Variants in VIL1 observed in about 807,000 individuals in gnomAD.
The protein encoded by VIL1 is villin-1.
VIL1 carries 86 observed loss-of-function variants against 104.0 expected under a neutral mutation model. That is an observed-to-expected ratio of 0.83 (90% CI 0.69 to 0.99). VIL1 has a LOEUF of 0.99. Ranked by LOEUF, VIL1 falls within the 50% of genes least tolerant of loss-of-function variation. The pLI is 0.00. For missense variants in VIL1, 944 were observed against 1,054.1 expected (o/e 0.90, Z 1.45); for synonymous variants, 394 against 412.6 (o/e 0.95, Z 0.55).
intron 15 of VIL1, 102 bp from the exon 16 acceptor site, chr2:218,436,380 T>G: frequency 2.0e-4 from 298 of 1,457,110 alleles, no homozygotes; most frequent in Non-Finnish European, 2.5e-4. Context: ...TTGCTGGAGA[T>G]GACCTTTCTA....
Position 218,436,939 on chromosome 2 carries a change from A to G in VIL1, c.1972-185A>G, listed in dbSNP as rs138476070. Among the ~76,000 whole-genome samples the G allele has an allele frequency of 1.6e-4, 25 of 152,330 alleles. No homozygotes were observed. The East Asian group carries it at 2.7e-3, about 16-fold the overall frequency. ...TTTGCAGAATATCCAAGTACAAGGC[A>G]TCTGTCCAACCTTCTAATTTCCCAG... On this transcript the variant is annotated intron_variant, in intron 16 of 19. Coordinates refer to ENST00000248444, the MANE Select transcript of VIL1 (RefSeq NM_007127.3).
intron 19 of VIL1, among the ~76,000 whole-genome samples, chr2:218,443,169 T>C (rs1244723081): frequency 4.0e-5 from 6 of 151,690 alleles, no homozygotes; most frequent in Non-Finnish European, 8.8e-5. Flanking sequence ...ACTGTTACCA[T>C]CATGCCATGC....
chr2:218,433,204 G>A (rs1234687486), intron 13 of VIL1, among the ~76,000 whole-genome samples: 1 of 152,204 alleles, frequency 6.6e-6, no homozygotes, highest in Admixed American at 6.5e-5. Flanking sequence ...GGGGGGCTGA[G>A]GCGGGTGGAT....
Position 218,430,187 on chromosome 2 carries a change from C to T in VIL1, c.948+240C>T, listed in dbSNP as rs558846916. Among the ~76,000 whole-genome samples, 6 of 152,310 alleles carry T rather than the reference C, an allele frequency of 3.9e-5. No homozygotes were observed. The South Asian group carries it at 1.2e-3, about 32-fold the overall frequency. Reference sequence around the variant, plus strand: ...CCAGGGAGCCAACCACCAGGCAACCCTGGGGCCACCTCAGGATGTGGGCTC... The same window carrying T: ...CCAGGGAGCCAACCACCAGGCAACCTTGGGGCCACCTCAGGATGTGGGCTC... On this transcript the variant is annotated intron_variant, in intron 9 of 19. Transcript: ENST00000248444.
At chr2:218,431,303 A>T (rs1025220859) in intron 10 of VIL1, 1 of 268,216 alleles carries the variant, frequency 3.7e-6, no homozygotes, top group African/African-American at 2.3e-5. Flanking sequence ...GTGAGCCAAG[A>T]TCATGCCATT....
At chr2:218,439,474 C>G (rs184304823) in intron 18 of VIL1, among the ~76,000 whole-genome samples, 74 of 152,216 alleles carry the variant, frequency 4.9e-4, no homozygotes, top group Non-Finnish European at 8.5e-4. Flanking sequence ...TTTGGGATCC[C>G]TTCTCTAGGT....
Position 218,434,690 on chromosome 2 carries a change from T to C in VIL1, c.1665T>C (p.Tyr555=). 1.9e-6 allele frequency: 3 copies of C among 1,613,460 alleles called. No homozygotes were observed. The Admixed American group carries it at 5.0e-5, about 27-fold the overall frequency. Reference sequence around the variant, plus strand: ...TCCTCAAGACCCAGTCTTGCTGCTATCTATGGTGTGGGAAGGTGTGTTCAG... The same window carrying C: ...TCCTCAAGACCCAGTCTTGCTGCTACCTATGGTGTGGGAAGGTGTGTTCAG... ...VFVLKTQSCC[Y]LWCGKGCSGD... is the part of the protein sequence containing the mutation. Residue 555 remains tyrosine, a synonymous_variant, in exon 14 of 20, where the codon TAT becomes TAC. Coordinates refer to ENST00000248444, the MANE Select transcript of VIL1 (RefSeq NM_007127.3).
At chr2:218,435,139 G>T (rs1689166810) in intron 14 of VIL1, 150 bp from the exon 15 acceptor site, 18 of 1,084,306 alleles carry the variant, frequency 1.7e-5, no homozygotes, top group Non-Finnish European at 2.2e-5. Context: ...AAGGACAGAA[G>T]AAAGCATGGA....
chr2:218,428,111 A>C, intron 5 of VIL1, 38 bp downstream of exon 5: 5 of 1,596,658 alleles, frequency 3.1e-6, no homozygotes, highest in Non-Finnish European at 3.4e-6. Flanking sequence ...CAGGGCTGTG[A>C]GGCCCAGGGT....
intron 6 of VIL1, 45 bp downstream of exon 6, chr2:218,428,382 GC>G (rs1270982452): frequency 6.5e-7 from 1 of 1,529,292 alleles, no homozygotes; most frequent in Non-Finnish European, 9.1e-7. Flanking sequence ...ATCCTAGACT[GC>G]CCCCACCTGC....
At chr2:218,436,026 A>G (rs1689183551) in intron 15 of VIL1, among the ~76,000 whole-genome samples, 2 of 152,116 alleles carry the variant, frequency 1.3e-5, no homozygotes, top group Non-Finnish European at 2.9e-5. Context: ...TTTAGTAAAG[A>G]CAGGGTTTCA....
intron 18 of VIL1, 138 bp from the exon 19 acceptor site, chr2:218,440,584 G>C (rs982871973): frequency 2.3e-5 from 23 of 1,015,774 alleles, no homozygotes; most frequent in Non-Finnish European, 3.4e-5. Context: ...TTGTTCTTAT[G>C]AGTGTGTGTG....
intron 19 of VIL1, among the ~76,000 whole-genome samples, chr2:218,447,681 T>C (rs988405404): frequency 6.6e-6 from 1 of 152,126 alleles, no homozygotes; most frequent in African/African-American, 2.4e-5. Context: ...TCTGCTTACT[T>C]TGTGGGCAGC....
At chr2:218,420,884 C>T (rs999854187) in intron 1 of VIL1, among the ~76,000 whole-genome samples, 2 of 152,148 alleles carry the variant, frequency 1.3e-5, no homozygotes, top group African/African-American at 4.8e-5. Context: ...CACGCCCAGC[C>T]CATGAGTATT....
chr2:218,436,633 C>G lies in VIL1; in HGVS notation c.1971+7C>G, dbSNP rs762507861. 6.2e-7 allele frequency: 1 copy of G among 1,612,968 alleles called. No homozygotes were observed. The highest frequency in any genetic ancestry group is 1.3e-5 in the African/African-American group (1 of 74,942). ...ACTAGATGTCTGGGACCAGGTAGGA[C>G]CAAGGGCCTGGGGACCCCTCTTCCC... is the stretch of plus-strand genomic sequence containing the variant. On this transcript the variant is annotated splice_region_variant and intron_variant, in intron 16 of 19. Transcript: ENST00000248444.
Position 218,429,372 on chromosome 2 carries a change from TC to T in VIL1, c.659del (p.Pro220ArgfsTer3). On this transcript the variant is annotated frameshift_variant, in exon 7 of 20. Transcript: ENST00000248444. LOFTEE classifies it high-confidence loss of function. ...GGTGGACGGAGAGAATGAATTGGCA[TC>T]CCCGAAGCTGATGGAGGTGATGAAC... The part of the protein sequence containing the change: ...GVVDGENELA[S>X]PKLMEVMNHV... The T allele has an allele frequency of 1.2e-6, 2 of 1,614,006 alleles. No individual in the cohort carries two copies. The highest frequency in any genetic ancestry group is 1.7e-6 in the Non-Finnish European group (2 of 1,180,018).
chr2:218,436,710 T>G (rs984598903), intron 16 of VIL1, 84 bp downstream of exon 16: 9 of 1,493,594 alleles, frequency 6.0e-6, no homozygotes, highest in Non-Finnish European at 8.1e-6. Flanking sequence ...GTTAGGTAAG[T>G]GTCAATGTTT....
chr2:218,439,407 G>A (rs1000879), intron 18 of VIL1, among the ~76,000 whole-genome samples: 5,891 of 152,222 alleles, frequency 0.039, 376 homozygotes, highest in African/African-American at 0.13. Flanking sequence ...GTAATTTCAT[G>A]TAGTTAGTCC....
Position 218,434,631 on chromosome 2 carries a change from C to T in VIL1, c.1606C>T (p.Arg536Trp), listed in dbSNP as rs542717193. 8.7e-6 allele frequency: 14 copies of T among 1,614,142 alleles called. No homozygotes were observed. The highest frequency in any genetic ancestry group is 1.6e-4 in the Middle Eastern group (1 of 6,062). ...CACCAAGGCCTTTGAGGTCCCAGCG[C>T]GGGCCAATTTCCTCAATTCCAATGA... is the stretch of plus-strand genomic sequence containing the variant. ...NNTKAFEVPA[R>W]ANFLNSNDVF... Residue 536 changes from arginine (R) to tryptophan (W), a missense_variant, in exon 14 of 20, where the codon CGG becomes TGG. Coordinates refer to ENST00000248444, the MANE Select transcript of VIL1 (RefSeq NM_007127.3).
Sources: gnomAD v4.1 joint callset for allele counts (sites outside exome capture counted in the v4.1 genomes callset) on GRCh38, gnomAD v4.1.1 for gene constraint, MANE v1.5 for transcripts, NCBI Gene and HGNC (gene_info 2026-07-23, HGNC 2026-07-21) for gene names.